ATG4C: variants seen among roughly 807,000 people sequenced by gnomAD.
ATG4C encodes the protein cysteine protease ATG4C.
In ATG4C, 56 loss-of-function variants were observed where a neutral mutation model predicts 57.6. That is an observed-to-expected ratio of 0.97 (90% CI 0.78 to 1.21). The LOEUF (loss-of-function observed/expected upper bound fraction) is 1.21, where lower values mean the gene tolerates loss of function less well. Among genes scored for constraint, ATG4C ranks in the 50% most tolerant of loss-of-function variants. The pLI is 0.00. For synonymous variants in ATG4C, 157 were observed against 174.1 expected (o/e 0.90, Z 0.78); for missense variants, 595 against 529.8 (o/e 1.12, Z -1.21).
chr1:62,828,582 T>A (rs1392938716), intron 6 of ATG4C, among the ~76,000 whole-genome samples: 1 of 152,230 alleles, frequency 6.6e-6, no homozygotes, highest in Admixed American at 6.5e-5. Context: ...TTGCAAATAT[T>A]TTCTCACATT....
At chr1:62,793,920 T>C (rs2100281867) in intron 1 of ATG4C, among the ~76,000 whole-genome samples, 1 of 152,302 alleles carries the variant, frequency 6.6e-6, no homozygotes, top group Middle Eastern at 3.4e-3. Flanking sequence ...TGAGTTAATA[T>C]TAAGAGCTTG....
At chr1:62,862,659 A>G (rs999387338) in intron 10 of ATG4C, among the ~76,000 whole-genome samples, 3 of 152,044 alleles carry the variant, frequency 2.0e-5, no homozygotes, top group Non-Finnish European at 4.4e-5. Flanking sequence ...TCTGATTTTC[A>G]TCATGTCTAG....
Position 62,803,867 on chromosome 1 carries a change from G to A in ATG4C, c.76+5G>A. 6.6e-7 allele frequency: 1 copy of A among 1,520,022 alleles called. No individual in the cohort carries two copies. The highest frequency in any genetic ancestry group is 9.0e-7 in the Non-Finnish European group (1 of 1,111,066). The allele number at this position is 1,520,022 out of a possible 1,614,324, so 94.2% of individuals were successfully genotyped here. ...CTTGGAACAACATGAAATATAGTAAGTATCATGTTTTAAAAATTGTATAAA... is the reference window on the plus strand; with the variant it reads ...CTTGGAACAACATGAAATATAGTAAATATCATGTTTTAAAAATTGTATAAA... On this transcript the variant is annotated splice_donor_5th_base_variant and intron_variant, in intron 2 of 10. Transcript: ENST00000317868.
chr1:62,821,974 G>A (rs924161870), intron 6 of ATG4C, among the ~76,000 whole-genome samples: 1 of 152,018 alleles, frequency 6.6e-6, no homozygotes, highest in Non-Finnish European at 1.5e-5. Flanking sequence ...GAAAAATGCT[G>A]TGCTCAAAAA....
chr1:62,841,329 A>G, intron 9 of ATG4C, 99 bp from the exon 10 acceptor site: 1 of 1,036,436 alleles, frequency 9.6e-7, no homozygotes, highest in Non-Finnish European at 1.4e-6. Flanking sequence ...TCATGTTTAT[A>G]GTGATGGGAA....
chr1:62,799,362 ATTTTATCG>A (rs1474337369), intron 1 of ATG4C, among the ~76,000 whole-genome samples: 1 of 152,238 alleles, frequency 6.6e-6, no homozygotes, highest in African/African-American at 2.4e-5. Context: ...TACGAAAATA[ATTTTATCG>A]TTCTCAACTA....
intron 3 of ATG4C, among the ~76,000 whole-genome samples, chr1:62,814,156 TGCGG>T (rs1287178249): frequency 6.6e-6 from 1 of 152,192 alleles, no homozygotes; most frequent in African/African-American, 2.4e-5. Flanking sequence ...GTATGTTTAT[TGCGG>T]CACTATTCAC....
At chr1:62,788,537 C>T (rs1214495564) in intron 1 of ATG4C, among the ~76,000 whole-genome samples, 1 of 152,068 alleles carries the variant, frequency 6.6e-6, no homozygotes, top group Non-Finnish European at 1.5e-5. Flanking sequence ...TCATGCATCT[C>T]CTAAGAACTA....
intron 3 of ATG4C, among the ~76,000 whole-genome samples, chr1:62,809,251 A>G (rs1283707842): frequency 6.6e-6 from 1 of 152,026 alleles, no homozygotes; most frequent in Non-Finnish European, 1.5e-5. Context: ...AAGAACTTGT[A>G]TAAACTGTAA....
intron 2 of ATG4C, among the ~76,000 whole-genome samples, chr1:62,804,081 C>CAAG (rs1472504608): frequency 6.9e-6 from 1 of 145,852 alleles, no homozygotes; most frequent in Non-Finnish European, 1.5e-5. Context: ...GATGTGGTCT[C>CAAG]CTTTTTTCTT....
At chr1:62,858,878 G>A (rs1348618771) in intron 10 of ATG4C, among the ~76,000 whole-genome samples, 2 of 152,098 alleles carry the variant, frequency 1.3e-5, no homozygotes, top group Admixed American at 6.6e-5. Context: ...CACTTAGTTC[G>A]ACTATATGAG....
intron 1 of ATG4C, among the ~76,000 whole-genome samples, chr1:62,801,990 A>G (rs1406048342): frequency 4.5e-4 from 50 of 111,154 alleles, no homozygotes; most frequent in African/African-American, 1.1e-3. Flanking sequence ...AAAAAAGAAA[A>G]AAAGAAAAGA....
chr1:62,814,018 A>T (rs916865506), intron 3 of ATG4C, among the ~76,000 whole-genome samples: 1 of 152,214 alleles, frequency 6.6e-6, no homozygotes, highest in Admixed American at 6.5e-5. Context: ...GAGTTCAACC[A>T]TTGTGGAAGA....
chr1:62,824,777 C>G (rs1665594015), intron 6 of ATG4C, among the ~76,000 whole-genome samples: 1 of 151,304 alleles, frequency 6.6e-6, no homozygotes, highest in African/African-American at 2.4e-5. Flanking sequence ...AAGTGTTGCT[C>G]CTGCCTCAGC....
intron 3 of ATG4C, among the ~76,000 whole-genome samples, chr1:62,808,819 A>G (rs563529023): frequency 6.6e-6 from 1 of 152,336 alleles, no homozygotes; most frequent in African/African-American, 2.4e-5. Flanking sequence ...CAGCTAGTCT[A>G]CATTTACTGA....
chr1:62,831,794 C>A (rs1450778064), intron 7 of ATG4C, among the ~76,000 whole-genome samples: 5 of 152,198 alleles, frequency 3.3e-5, no homozygotes, highest in Non-Finnish European at 7.3e-5. Flanking sequence ...AGCTCCTAAT[C>A]TGCTTCTAAG....
intron 6 of ATG4C, among the ~76,000 whole-genome samples, chr1:62,826,027 C>G (rs1462717505): frequency 1.3e-5 from 2 of 152,066 alleles, no homozygotes; most frequent in Non-Finnish European, 2.9e-5. Context: ...TTTGCCTCAG[C>G]CTCCCAAGTA....
chr1:62,819,236 T>C lies in ATG4C; in HGVS notation c.626T>C (p.Leu209Ser). 6.2e-7 allele frequency: 1 copy of C among 1,613,616 alleles called. No individual in the cohort carries two copies. The highest frequency in any genetic ancestry group is 1.1e-5 in the South Asian group (1 of 91,036). ...KIISWFGDSP[L>S]ALFGLHQLIE... is the part of the protein sequence containing the mutation. ...ATCTCTTGGTTTGGTGATTCCCCCT[T>C]GGCTCTTTTTGGCTTACATCAACTA... Residue 209 changes from leucine to serine, a missense_variant, in exon 5 of 11, where the codon TTG becomes TCG. Transcript: ENST00000317868.
chr1:62,807,098 A>G (rs1664906169), intron 3 of ATG4C, among the ~76,000 whole-genome samples: 1 of 152,218 alleles, frequency 6.6e-6, no homozygotes, highest in Non-Finnish European at 1.5e-5. Context: ...TGGCTAGGAC[A>G]TTGATCATGC....
Sources: allele counts gnomAD v4.1 joint callset (sites outside exome capture counted in the v4.1 genomes callset), GRCh38; gene constraint gnomAD v4.1.1; transcripts MANE v1.5; gene names NCBI Gene and HGNC (gene_info 2026-07-23, HGNC 2026-07-21).